The following CPEB2 variants were observed in gnomAD, a reference collection of about 807,000 sequenced individuals.
CPEB2 encodes the protein cytoplasmic polyadenylation element binding protein 2.
A neutral mutation model predicts 93.6 loss-of-function variants in CPEB2; 56 were observed. The observed-to-expected ratio is 0.60, with a 90% confidence interval of 0.48 to 0.75. CPEB2 has a LOEUF of 0.75. Among genes scored for constraint, CPEB2 ranks in the 30% least tolerant of loss-of-function variants. The probability of loss-of-function intolerance (pLI) is 0.00; values close to 1 mark genes in which losing one functional copy is unlikely to be tolerated. For missense variants in CPEB2, 1,579 were observed against 1,395.1 expected (o/e 1.13, Z -2.10); for synonymous variants, 764 against 586.3 (o/e 1.30, Z -4.38).
chr4:15,004,969 G>A (rs937279815), intron 1 of CPEB2: 2 of 152,196 alleles, frequency 1.3e-5, no homozygotes, highest in African/African-American at 4.8e-5. Context: ...TTTGGCCGGC[G>A]GTGATCTCGC....
At chr4:15,060,923 T>C (rs529962124) in intron 10 of CPEB2, among the ~76,000 whole-genome samples, 2 of 152,230 alleles carry the variant, frequency 1.3e-5, no homozygotes, top group East Asian at 3.9e-4. Flanking sequence ...TGTTTTAAAA[T>C]CAAGTTTACA....
chr4:15,024,172 A>T (rs1332633391), intron 4 of CPEB2, among the ~76,000 whole-genome samples: 1 of 152,042 alleles, frequency 6.6e-6, no homozygotes, highest in Non-Finnish European at 1.5e-5. Context: ...TCATTATTGC[A>T]GTCCTATATA....
chr4:15,020,281 T>A (rs1407339272), intron 4 of CPEB2, among the ~76,000 whole-genome samples: 5 of 152,114 alleles, frequency 3.3e-5, no homozygotes, highest in African/African-American at 1.2e-4. Context: ...ATTCAAGAGA[T>A]GTGAATACTA....
At chr4:15,061,960 A>C in intron 10 of CPEB2, 119 bp from the exon 11 acceptor site, 1 of 951,364 alleles carries the variant, frequency 1.1e-6, no homozygotes, top group Non-Finnish European at 1.5e-6. Flanking sequence ...CTTATCTGCC[A>C]TTCTACTCCT....
intron 8 of CPEB2, 58 bp downstream of exon 8, chr4:15,054,275 AG>A: frequency 1.7e-6 from 2 of 1,196,702 alleles, no homozygotes; most frequent in Non-Finnish European, 2.4e-6. Flanking sequence ...AGCAAAAGAA[AG>A]AATAGCAATT....
At chr4:15,008,277 G>T in intron 2 of CPEB2, 61 bp from the exon 3 acceptor site, 4 of 1,115,580 alleles carry the variant, frequency 3.6e-6, no homozygotes, top group East Asian at 2.4e-5. Context: ...TCTTTCTTTC[G>T]TTGGGTGGGT....
chr4:15,035,769 A>G (rs1474071630), intron 5 of CPEB2, among the ~76,000 whole-genome samples: 2 of 152,164 alleles, frequency 1.3e-5, no homozygotes, highest in Admixed American at 6.5e-5. Context: ...CTGTTTCCTA[A>G]AGTGTGATGC....
intron 4 of CPEB2, among the ~76,000 whole-genome samples, chr4:15,028,315 A>T (rs1042730634): frequency 7.3e-5 from 11 of 150,246 alleles, no homozygotes; most frequent in African/African-American, 2.7e-4. Flanking sequence ...GCTGAAAAAA[A>T]AGTCTTGTTC....
rs757593442 is a variant in CPEB2 at position 15,054,220 on chromosome 4, A to G, written c.2461+3A>G. On this transcript the variant is annotated splice_donor_region_variant and intron_variant, in intron 8 of 11. Transcript: ENST00000538197. ...CAAGTCCTATTTTCCACCAAAAGGT[A>G]AGGATTGTTATTGTTAATATTTGCT... is the stretch of plus-strand genomic sequence containing the variant. 1 of 1,600,374 alleles carries G rather than the reference A, an allele frequency of 6.2e-7. No homozygotes were observed. The highest frequency in any genetic ancestry group is 8.5e-7 in the Non-Finnish European group (1 of 1,171,138).
At chr4:15,038,329 G>A (rs1726833654) in intron 5 of CPEB2, among the ~76,000 whole-genome samples, 1 of 151,990 alleles carries the variant, frequency 6.6e-6, no homozygotes, top group East Asian at 1.9e-4. Flanking sequence ...TTTCTCAATA[G>A]GTCAATAATT....
intron 2 of CPEB2, among the ~76,000 whole-genome samples, chr4:15,008,000 T>C (rs1256999148): frequency 1.3e-5 from 2 of 152,198 alleles, no homozygotes; most frequent in Admixed American, 6.5e-5. Flanking sequence ...TATTAGAATA[T>C]ACTTAGTACA....
At chr4:15,040,548 GT>G (rs1727068113) in intron 6 of CPEB2, 61 bp downstream of exon 6, 1 of 1,382,688 alleles carries the variant, frequency 7.2e-7, no homozygotes. Flanking sequence ...GATCAATGTT[GT>G]AATTAATTAC....
chr4:15,054,476 T>C (rs186646802), intron 8 of CPEB2, among the ~76,000 whole-genome samples: 3 of 152,350 alleles, frequency 2.0e-5, no homozygotes, highest in Admixed American at 6.5e-5. Context: ...TTTCATAAAA[T>C]ATAAATTTAT....
At chr4:15,062,010 A>G in intron 10 of CPEB2, 69 bp from the exon 11 acceptor site, 3 of 1,386,410 alleles carry the variant, frequency 2.2e-6, no homozygotes, top group East Asian at 2.3e-5. Context: ...ACGTTTTACA[A>G]AAAGTACTTA....
chr4:15,004,385 CG>C lies in CPEB2; in HGVS notation c.1662+55del, dbSNP rs1334191684. Reference sequence around the variant, plus strand: ...CGCCGCGGGACCGGGAGACCATGGGCGGGGGACGGAGGCGGGGGCAGGGCAG... The same window carrying C: ...CGCCGCGGGACCGGGAGACCATGGGCGGGGACGGAGGCGGGGGCAGGGCAG... On this transcript the variant is annotated intron_variant, in intron 1 of 11. Coordinates refer to ENST00000538197, the MANE Select transcript of CPEB2 (RefSeq NM_001177382.2). The C allele has an allele frequency of 5.3e-6, 7 of 1,326,664 alleles. No individual in the cohort carries two copies. In the East Asian group the frequency reaches 1.5e-4, roughly 29 times the overall value. 82.2% of individuals were successfully genotyped at this position (1,326,664 alleles called of 1,614,324 possible).
intron 6 of CPEB2, among the ~76,000 whole-genome samples, chr4:15,043,946 ATATAG>A (rs960781338): frequency 6.6e-6 from 1 of 152,166 alleles, no homozygotes; most frequent in Non-Finnish European, 1.5e-5. Context: ...ATTATTAATA[ATATAG>A]TATACTGCTT....
rs1560206917 is a variant in CPEB2, at chr4:15,003,759, A to AGGAGGC, written c.1092_1097dup (p.Gly368_Gly369dup). On this transcript the variant is annotated inframe_insertion, in exon 1 of 12. Coordinates refer to ENST00000538197, the MANE Select transcript of CPEB2 (RefSeq NM_001177382.2). ...GCGGCGGCGGGGGCGGGGGGCCCCC[A>AGGAGGC]GGAGGCGGAGGGGGAGGCGGCTCCG... 2 of 1,101,746 alleles carry AGGAGGC rather than the reference A, an allele frequency of 1.8e-6. No individual in the cohort carries two copies. The highest frequency in any genetic ancestry group is 3.7e-5 in the South Asian group (1 of 26,688). The allele number at this position is 1,101,746 out of a possible 1,614,324, so 68.2% of individuals were successfully genotyped here.
At chr4:15,031,165 A>G (rs1194618835) in intron 4 of CPEB2, among the ~76,000 whole-genome samples, 7 of 152,030 alleles carry the variant, frequency 4.6e-5, no homozygotes, top group South Asian at 2.1e-4. Context: ...TCATAAGACT[A>G]TGTCCCACTC....
At chr4:15,062,617 T>G (rs184236955) in intron 11 of CPEB2, among the ~76,000 whole-genome samples, 2 of 152,180 alleles carry the variant, frequency 1.3e-5, no homozygotes, top group African/African-American at 4.8e-5. Context: ...GTATGCCTCT[T>G]TTTCCTCACT....
Sources: allele counts gnomAD v4.1 joint callset (sites outside exome capture counted in the v4.1 genomes callset), GRCh38; gene constraint gnomAD v4.1.1; transcripts MANE v1.5; gene names NCBI Gene and HGNC (gene_info 2026-07-23, HGNC 2026-07-21).